The following IRAK1BP1 variants were observed in gnomAD, a reference collection of about 807,000 sequenced individuals.
IRAK1BP1 encodes the protein interleukin-1 receptor-associated kinase 1-binding protein 1.
IRAK1BP1 carries 24 observed loss-of-function variants against 28.0 expected under a neutral mutation model. The observed-to-expected ratio is 0.86, with a 90% CI of 0.62 to 1.20. The LOEUF (loss-of-function observed/expected upper bound fraction) is 1.20. Among genes scored for constraint, IRAK1BP1 ranks in the 50% most tolerant of loss-of-function variants. The pLI is 0.00. For synonymous variants in IRAK1BP1, 131 were observed against 116.3 expected (o/e 1.13, Z -0.81); for missense variants, 336 against 316.7 (o/e 1.06, Z -0.46).
chr6:78,947,247 C>G (rs146282113), downstream of IRAK1BP1, among the ~76,000 whole-genome samples: 168 of 152,222 alleles, frequency 1.1e-3, 2 homozygotes, highest in East Asian at 0.029. Flanking sequence ...ATATAGCACT[C>G]CTTTGTGATG....
At chr6:78,910,559 A>G (rs9443624) in intron 4 of IRAK1BP1, among the ~76,000 whole-genome samples, 14,395 of 152,328 alleles carry the variant, frequency 0.095, 787 homozygotes, top group Middle Eastern at 0.14. Context: ...TGCGATAGCT[A>G]CAAAATACCT....
rs965547996 is a variant in IRAK1BP1 at position 78,867,628 on chromosome 6, T to G, written c.52T>G (p.Trp18Gly). The change falls in exon 1 of 4, where the codon TGG (tryptophan) becomes GGG (glycine). Residue 18 changes from tryptophan to glycine, a missense_variant. Transcript: ENST00000369940. Reference sequence around the variant, plus strand: ...CCGAGTGTTCGTGGAACTGGTTCCCTGGGCTGACCGGAGCCGGGAGAACAA... The same window carrying G: ...CCGAGTGTTCGTGGAACTGGTTCCCGGGGCTGACCGGAGCCGGGAGAACAA... ...PTRVFVELVP[W>G]ADRSRENNLA... 2.5e-6 allele frequency: 4 copies of G among 1,614,226 alleles called. No individual in the cohort carries two copies. The highest frequency in any genetic ancestry group is 2.5e-6 in the Non-Finnish European group (3 of 1,180,036).
chr6:78,978,421 GATT>G, the IRAK1BP1 span, among the ~76,000 whole-genome samples: 1 of 152,016 alleles, frequency 6.6e-6, no homozygotes, highest in Non-Finnish European at 1.5e-5. Flanking sequence ...CTTCAAAGAA[GATT>G]ATTAGACTTT....
chr6:78,940,217 C>G (rs1256993767), intron 4 of IRAK1BP1: 1 of 151,932 alleles, frequency 6.6e-6, no homozygotes, highest in Non-Finnish European at 1.5e-5. Flanking sequence ...TCTTAATTCA[C>G]TGCTACTCTG....
At chr6:78,963,575 C>T in the IRAK1BP1 span, among the ~76,000 whole-genome samples, 1 of 152,004 alleles carries the variant, frequency 6.6e-6, no homozygotes, top group South Asian at 2.1e-4. Context: ...TTCATAATTG[C>T]CATGTTTACT....
At chr6:78,874,260 T>C (rs1275808766) in intron 1 of IRAK1BP1, among the ~76,000 whole-genome samples, 1 of 152,230 alleles carries the variant, frequency 6.6e-6, no homozygotes, top group Non-Finnish European at 1.5e-5. Flanking sequence ...TGTCCATCTT[T>C]TAACCTAATC....
At chr6:78,910,970 G>A (rs1184405902) in intron 4 of IRAK1BP1, among the ~76,000 whole-genome samples, 1 of 152,208 alleles carries the variant, frequency 6.6e-6, no homozygotes, top group Non-Finnish European at 1.5e-5. Flanking sequence ...ATCTACCGCG[G>A]TCCAACTGAG....
intron 4 of IRAK1BP1, among the ~76,000 whole-genome samples, chr6:78,913,232 G>A (rs1772473832): frequency 6.6e-6 from 1 of 152,084 alleles, no homozygotes; most frequent in Non-Finnish European, 1.5e-5. Context: ...CTACTCGGGA[G>A]GCTGAGGCAG....
intron 4 of IRAK1BP1, chr6:78,935,689 GT>G: frequency 1.0e-6 from 1 of 984,916 alleles, no homozygotes; most frequent in Non-Finnish European, 1.2e-6. Context: ...TTAACTGACA[GT>G]TTTCACACTT....
At chr6:78,925,967 T>A (rs1484528417) in intron 4 of IRAK1BP1, among the ~76,000 whole-genome samples, 1 of 151,976 alleles carries the variant, frequency 6.6e-6, no homozygotes, top group African/African-American at 2.4e-5. Context: ...TGTGTTCTTA[T>A]AAGCGGAAAA....
At chr6:78,869,875 G>T (rs550002686) in intron 1 of IRAK1BP1, among the ~76,000 whole-genome samples, 1 of 151,648 alleles carries the variant, frequency 6.6e-6, no homozygotes, top group Non-Finnish European at 1.5e-5. Context: ...TTGGGAGGCC[G>T]AGGAGGGCAG....
chr6:78,879,455 C>G (rs993541694), intron 1 of IRAK1BP1, among the ~76,000 whole-genome samples: 2 of 151,988 alleles, frequency 1.3e-5, no homozygotes, highest in African/African-American at 4.8e-5. Context: ...AGTGTAGAAG[C>G]AATTCGATAA....
chr6:78,978,853 G>A, the IRAK1BP1 span: 1 of 533,014 alleles, frequency 1.9e-6, no homozygotes, highest in Non-Finnish European at 3.0e-6. Context: ...TTGGCCCTGT[G>A]TATCCATGGG....
chr6:78,979,295 T>C, the IRAK1BP1 span, among the ~76,000 whole-genome samples: 8 of 152,014 alleles, frequency 5.3e-5, no homozygotes, highest in Non-Finnish European at 8.8e-5. Flanking sequence ...CAAAAATCCA[T>C]AGCCAACACT....
the IRAK1BP1 span, among the ~76,000 whole-genome samples, chr6:78,968,500 T>C: frequency 5.3e-5 from 8 of 152,336 alleles, no homozygotes; most frequent in East Asian, 1.4e-3. Context: ...GGGGGTTCCG[T>C]AGGATCAATT....
chr6:78,869,087 ATAAT>A (rs1245031990), intron 1 of IRAK1BP1, among the ~76,000 whole-genome samples: 2 of 152,262 alleles, frequency 1.3e-5, no homozygotes, highest in Non-Finnish European at 2.9e-5. Flanking sequence ...ATAATTATAA[ATAAT>A]GTGAGTAAAG....
intron 1 of IRAK1BP1, among the ~76,000 whole-genome samples, chr6:78,880,826 A>G (rs1177563362): frequency 1.3e-5 from 2 of 152,154 alleles, no homozygotes; most frequent in Admixed American, 6.5e-5. Context: ...ACCACAATGA[A>G]ATACTGCTAT....
At chr6:78,924,881 C>A (rs528048939) in intron 4 of IRAK1BP1, among the ~76,000 whole-genome samples, 3 of 152,158 alleles carry the variant, frequency 2.0e-5, no homozygotes, top group African/African-American at 7.2e-5. Flanking sequence ...ATGTTTATTG[C>A]GGCACTATTC....
At chr6:78,973,697 T>C in the IRAK1BP1 span, among the ~76,000 whole-genome samples, 1 of 150,280 alleles carries the variant, frequency 6.7e-6, no homozygotes, top group South Asian at 2.1e-4. Context: ...ACCAAGCAAA[T>C]GGAAAACAAA....
Sources: allele counts gnomAD v4.1 joint callset (sites outside exome capture counted in the v4.1 genomes callset), GRCh38; gene constraint gnomAD v4.1.1; transcripts MANE v1.5; gene names NCBI Gene and HGNC (gene_info 2026-07-23, HGNC 2026-07-21).